FAM117A: variants seen among roughly 807,000 people sequenced by gnomAD.
FAM117A encodes family with sequence similarity 117 member A.
Under a neutral mutation model 44.1 loss-of-function variants are expected in FAM117A, and 21 were observed. The ratio of observed to expected loss-of-function variants is 0.48; its 90% CI spans 0.34 to 0.69. FAM117A has a LOEUF of 0.69. Ranked by LOEUF, FAM117A falls within the 30% of genes least tolerant of loss-of-function variation. FAM117A has a pLI of 0.01. For synonymous variants in FAM117A, 220 were observed against 238.3 expected (o/e 0.92, Z 0.71); for missense variants, 498 against 589.9 (o/e 0.84, Z 1.61).
chr17:49,736,199 A>C (rs1291297368), intron 1 of FAM117A, among the ~76,000 whole-genome samples: 1 of 152,154 alleles, frequency 6.6e-6, no homozygotes, highest in Non-Finnish European at 1.5e-5. Context: ...TATTGACATA[A>C]AACACATCAT....
intron 5 of FAM117A, 113 bp from the exon 6 acceptor site, chr17:49,717,827 A>C (rs2073512471): frequency 2.5e-6 from 2 of 804,434 alleles, no homozygotes; most frequent in East Asian, 5.5e-5. Context: ...CATGACACAC[A>C]ACCACAGAAC....
rs895353833 is a variant in FAM117A, at chr17:49,716,082, C to T, written c.1061+83G>A. The T allele has an allele frequency of 2.7e-6, 4 of 1,492,796 alleles. No homozygotes were observed. In the African/African-American group the frequency reaches 5.5e-5, roughly 21 times the overall value. The allele number at this position is 1,492,796 out of a possible 1,614,324, so 92.5% of individuals were successfully genotyped here. Reference sequence around the variant, plus strand: ...TCTAAAGTTGACAACACCTCTATGACAAGAGAGAGTCCAAGACTGAAGAAG... The same window carrying T: ...TCTAAAGTTGACAACACCTCTATGATAAGAGAGAGTCCAAGACTGAAGAAG... On this transcript the variant is annotated intron_variant, in intron 7 of 7. Coordinates refer to ENST00000240364, the MANE Select transcript of FAM117A (RefSeq NM_030802.4).
chr17:49,778,077 G>A (rs989587681), intron 1 of FAM117A, among the ~76,000 whole-genome samples: 54 of 152,328 alleles, frequency 3.5e-4, no homozygotes, highest in Non-Finnish European at 4.1e-4. Context: ...GATGGGCCTT[G>A]AATAGCCCTA....
chr17:49,719,140 T>C (rs2073520613), intron 5 of FAM117A, among the ~76,000 whole-genome samples: 1 of 150,806 alleles, frequency 6.6e-6, no homozygotes, highest in African/African-American at 2.4e-5. Context: ...CAAGCGCCTG[T>C]AATCCCAGCT....
intron 1 of FAM117A, among the ~76,000 whole-genome samples, chr17:49,748,486 G>A (rs1355756259): frequency 6.6e-6 from 1 of 152,146 alleles, no homozygotes; most frequent in East Asian, 1.9e-4. Flanking sequence ...AAGAGCCTGA[G>A]GAATCAAGAG....
At chr17:49,733,576 G>A (rs1834809622) in intron 1 of FAM117A, among the ~76,000 whole-genome samples, 1 of 152,094 alleles carries the variant, frequency 6.6e-6, no homozygotes, top group Non-Finnish European at 1.5e-5. Flanking sequence ...AGGAGGCTGA[G>A]GCATGAGAAT....
At chr17:49,783,848 T>G (rs73987382) in intron 1 of FAM117A, among the ~76,000 whole-genome samples, 82 of 152,330 alleles carry the variant, frequency 5.4e-4, no homozygotes, top group African/African-American at 1.8e-3. Context: ...CTTACAAGAC[T>G]GCACACAGAG....
chr17:49,766,801 T>C (rs1376834904), upstream of FAM117A, among the ~76,000 whole-genome samples: 1 of 152,176 alleles, frequency 6.6e-6, no homozygotes, highest in Non-Finnish European at 1.5e-5. Flanking sequence ...TCCATCAACC[T>C]CACAGACTTG....
Position 49,717,608 on chromosome 17 carries a change from G to A in FAM117A, c.815C>T (p.Ser272Phe). The change falls in exon 6 of 8, where the codon TCC becomes TTC. Residue 272 changes from serine (S) to phenylalanine (F), a missense_variant. By Grantham distance (155) the Ser-to-Phe change is radical. This residue lies in a region of FAM117A where 224 missense variants were observed against 296.5 expected (regional missense o/e 0.76). Transcript: ENST00000240364. ...LEPGNLASSP[S>F]MSLASPQPCG... ...AGGCTGGGGAGATGCCAAGGACATG[G>A]AAGGAGAGCTGGCAAGGTTGCCAGG... 6.2e-7 allele frequency: 1 copy of A among 1,614,192 alleles called. No individual in the cohort carries two copies.
At chr17:49,740,109 G>C (rs1379959716) in intron 1 of FAM117A, among the ~76,000 whole-genome samples, 1 of 152,258 alleles carries the variant, frequency 6.6e-6, no homozygotes, top group Non-Finnish European at 1.5e-5. Flanking sequence ...GCTATGAGTG[G>C]AGAGGGCCAG....
chr17:49,722,731 G>T, intron 2 of FAM117A, 137 bp from the exon 3 acceptor site: 2 of 655,950 alleles, frequency 3.0e-6, no homozygotes, highest in Non-Finnish European at 5.3e-6. Context: ...ACTCCCAGTC[G>T]GTGTTCTTCT....
At chr17:49,778,742 G>A (rs1395038088) in intron 1 of FAM117A, among the ~76,000 whole-genome samples, 1 of 152,224 alleles carries the variant, frequency 6.6e-6, no homozygotes, top group African/African-American at 2.4e-5. Context: ...GCCAGGTCCT[G>A]AGAATGCAAT....
At chr17:49,746,206 T>TG (rs756968961) in intron 1 of FAM117A, among the ~76,000 whole-genome samples, 1 of 152,206 alleles carries the variant, frequency 6.6e-6, no homozygotes, top group Non-Finnish European at 1.5e-5. Context: ...AAGACCATTG[T>TG]GGCAAAAGTT....
At chr17:49,748,449 C>A (rs1398414670) in intron 1 of FAM117A, among the ~76,000 whole-genome samples, 1 of 152,150 alleles carries the variant, frequency 6.6e-6, no homozygotes, top group Admixed American at 6.5e-5. Context: ...TGGTTGGCCA[C>A]TACCGGAAAC....
intron 1 of FAM117A, among the ~76,000 whole-genome samples, chr17:49,782,676 C>A (rs1341928829): frequency 7.8e-6 from 1 of 128,956 alleles, no homozygotes; most frequent in Non-Finnish European, 1.5e-5. Flanking sequence ...GGTGACAGAG[C>A]TAGACTTTGT....
At chr17:49,729,610 A>G (rs1470830645) in intron 2 of FAM117A, among the ~76,000 whole-genome samples, 1 of 146,066 alleles carries the variant, frequency 6.8e-6, no homozygotes, top group Non-Finnish European at 1.5e-5. Flanking sequence ...GGTTCAAGCG[A>G]TTCTCCTGTC....
chr17:49,722,298 A>G (rs953955509), intron 3 of FAM117A, among the ~76,000 whole-genome samples: 1 of 152,178 alleles, frequency 6.6e-6, no homozygotes, highest in South Asian at 2.1e-4. Flanking sequence ...GCCCCTGCCT[A>G]GCAGGAGGGT....
At chr17:49,779,697 G>C (rs2073784443) in intron 1 of FAM117A, among the ~76,000 whole-genome samples, 1 of 152,186 alleles carries the variant, frequency 6.6e-6, no homozygotes, top group African/African-American at 2.4e-5. Context: ...CTTGGGTCTT[G>C]ACCTGCTAAG....
At chr17:49,741,396 A>G (rs2073633715) in intron 1 of FAM117A, among the ~76,000 whole-genome samples, 1 of 152,260 alleles carries the variant, frequency 6.6e-6, no homozygotes, top group African/African-American at 2.4e-5. Flanking sequence ...AAAATGACCA[A>G]CTATGCATGC....
Sources: allele counts gnomAD v4.1 joint callset (sites outside exome capture counted in the v4.1 genomes callset), GRCh38; gene constraint gnomAD v4.1.1; regional missense constraint gnomAD v4.1.1; transcripts MANE v1.5; gene names NCBI Gene and HGNC (gene_info 2026-07-23, HGNC 2026-07-21).